MME: variants seen among roughly 807,000 people sequenced by gnomAD.
The protein encoded by MME is neprilysin.
Under a neutral mutation model 113.2 loss-of-function variants are expected in MME, and 98 were observed. That is an observed-to-expected ratio of 0.87 (90% CI 0.74 to 1.02). The LOEUF is 1.02. Among genes scored for constraint, MME ranks in the 50% least tolerant of loss-of-function variants. The pLI is 0.00. For missense variants in MME, 836 were observed against 896.0 expected, an observed-to-expected ratio of 0.93 and a Z score of 0.86; for synonymous variants, 292 against 300.6, an observed-to-expected ratio of 0.97 and a Z score of 0.30.
At chr3:155,108,103 CCAGAAGCCCA>C (rs1717849266) in intron 3 of MME, among the ~76,000 whole-genome samples, 1 of 152,246 alleles carries the variant, frequency 6.6e-6, no homozygotes, top group East Asian at 1.9e-4. Context: ...ATCTGTGTGT[CCAGAAGCCCA>C]CAGGAACCTA....
At chr3:155,144,620 A>T (rs1721370710) in intron 14 of MME, among the ~76,000 whole-genome samples, 163 bp downstream of exon 14, 1 of 152,218 alleles carries the variant, frequency 6.6e-6, no homozygotes, top group African/African-American at 2.4e-5. Flanking sequence ...ATAAAGATAT[A>T]TTTCTACAAT....
At chr3:155,107,589 A>G (rs1269358820) in intron 3 of MME, among the ~76,000 whole-genome samples, 1 of 152,190 alleles carries the variant, frequency 6.6e-6, no homozygotes, top group Non-Finnish European at 1.5e-5. Context: ...AAAAGACCCA[A>G]AGAAAAGAGG....
At chr3:155,164,874 A>G (rs972395230) in intron 17 of MME, among the ~76,000 whole-genome samples, 3 of 152,190 alleles carry the variant, frequency 2.0e-5, no homozygotes, top group African/African-American at 7.2e-5. Context: ...GCAACTTTCC[A>G]AATTTTTGTA....
At chr3:155,107,097 T>A (rs1472555560) in intron 3 of MME, among the ~76,000 whole-genome samples, 1 of 152,238 alleles carries the variant, frequency 6.6e-6, no homozygotes, top group Non-Finnish European at 1.5e-5. Context: ...GGCTCATGCC[T>A]ATAATCCCAG....
chr3:155,151,616 A>G (rs1478466009), intron 16 of MME, among the ~76,000 whole-genome samples: 1 of 152,154 alleles, frequency 6.6e-6, no homozygotes, highest in Non-Finnish European at 1.5e-5. Flanking sequence ...AGCATTTGTC[A>G]TTTAGGCAAA....
chr3:155,091,270 C>A (rs1716269790), intron 3 of MME, among the ~76,000 whole-genome samples: 1 of 152,188 alleles, frequency 6.6e-6, no homozygotes, highest in African/African-American at 2.4e-5. Context: ...AAATTAGCAT[C>A]TGTCAATCAG....
At chr3:155,148,484 G>A in intron 15 of MME, 66 bp from the exon 16 acceptor site, 1 of 1,117,302 alleles carries the variant, frequency 9.0e-7, no homozygotes, top group Non-Finnish European at 1.3e-6. Context: ...AAATCCCTAT[G>A]TTTTTAGCAA....
intron 20 of MME, among the ~76,000 whole-genome samples, chr3:155,169,349 C>A (rs1028919188): frequency 1.3e-5 from 2 of 152,182 alleles, no homozygotes; most frequent in African/African-American, 4.8e-5. Flanking sequence ...GGACTATTAA[C>A]AGTGGAGCAT....
chr3:155,162,927 C>T (rs1276248383), intron 17 of MME, among the ~76,000 whole-genome samples: 8 of 149,488 alleles, frequency 5.4e-5, no homozygotes, highest in South Asian at 2.1e-4. Context: ...GCACGAGAAT[C>T]GCTTGAACCC....
At chr3:155,103,088 G>A (rs879480250) in intron 3 of MME, among the ~76,000 whole-genome samples, 3 of 152,110 alleles carry the variant, frequency 2.0e-5, no homozygotes, top group Admixed American at 2.0e-4. Flanking sequence ...CATTCCCAGA[G>A]CATCCTATAC....
intron 17 of MME, among the ~76,000 whole-genome samples, chr3:155,160,909 A>G (rs1477739168): frequency 6.6e-6 from 1 of 152,058 alleles, no homozygotes; most frequent in Admixed American, 6.6e-5. Context: ...ATTCTATGTC[A>G]TCTTCATTCA....
chr3:155,060,156 T>C (rs1238882878), intron 1 of MME, among the ~76,000 whole-genome samples: 1 of 152,188 alleles, frequency 6.6e-6, no homozygotes, highest in South Asian at 2.1e-4. Context: ...GGAACAAGAA[T>C]AACATGCTGA....
intron 20 of MME, among the ~76,000 whole-genome samples, chr3:155,169,878 G>A (rs1212864534): frequency 6.6e-6 from 1 of 152,142 alleles, no homozygotes; most frequent in Non-Finnish European, 1.5e-5. Context: ...GGTGACTGAT[G>A]GGGCCTGCAG....
chr3:155,070,363 A>G (rs909060456), intron 1 of MME, among the ~76,000 whole-genome samples: 3 of 152,250 alleles, frequency 2.0e-5, no homozygotes, highest in Non-Finnish European at 4.4e-5. Context: ...TTTAAACAGT[A>G]TAATGAAAGT....
At chr3:155,040,835 A>C (rs912313359) in intron 1 of MME, among the ~76,000 whole-genome samples, 1 of 152,174 alleles carries the variant, frequency 6.6e-6, no homozygotes, top group Non-Finnish European at 1.5e-5. Flanking sequence ...GTCATGATTC[A>C]GAAATTTTAA....
In MME at chr3:155,138,162, A is replaced by G; in HGVS notation, c.781A>G (p.Arg261Gly). Residue 261 changes from arginine (R) to glycine (G), a missense_variant, in exon 9 of 23, where the codon AGA becomes GGA. Transcript: ENST00000360490. ...SVARLIRQEE[R>G]LPIDENQLAL... ...GGCCAGATTGATTCGTCAGGAAGAA[A>G]GATTGCCCATCGATGAAAACCAGCT... The G allele has an allele frequency of 6.2e-7, 1 of 1,613,778 alleles. No homozygotes were observed. Among genetic ancestry groups the G allele is most frequent in the South Asian group, 1.1e-5 (1 of 91,080 alleles).
chr3:155,085,191 A>G, intron 3 of MME, 97 bp downstream of exon 3: 1 of 751,656 alleles, frequency 1.3e-6, no homozygotes, highest in Non-Finnish European at 2.3e-6. Flanking sequence ...ACTTTTATTC[A>G]TTGTAGATCA....
chr3:155,167,135 C>G (rs945017501), intron 18 of MME, 114 bp downstream of exon 18: 1 of 1,337,104 alleles, frequency 7.5e-7, no homozygotes, highest in East Asian at 2.4e-5. Context: ...TATCATTTCT[C>G]TAATTTTCAC....
intron 16 of MME, among the ~76,000 whole-genome samples, chr3:155,152,949 G>A (rs564993116): frequency 1.3e-5 from 2 of 151,976 alleles, no homozygotes; most frequent in African/African-American, 4.8e-5. Context: ...CAGGAAGTCT[G>A]CATGTGAGAC....
Sources: allele counts gnomAD v4.1 joint callset (sites outside exome capture counted in the v4.1 genomes callset), GRCh38; gene constraint gnomAD v4.1.1; transcripts MANE v1.5; gene names NCBI Gene and HGNC (gene_info 2026-07-23, HGNC 2026-07-21).